The following SESN3 variants were observed in gnomAD, a reference collection of about 807,000 sequenced individuals.
SESN3 encodes sestrin-3.
Under a neutral mutation model 55.3 loss-of-function variants are expected in SESN3, and 21 were observed. That is an observed-to-expected ratio of 0.38 (90% CI 0.27 to 0.55). The LOEUF is 0.55. Among genes scored for constraint, SESN3 ranks in the 20% least tolerant of loss-of-function variants. SESN3 has a pLI of 0.76. For missense variants in SESN3, 408 were observed against 604.3 expected (o/e 0.68, Z 3.41); for synonymous variants, 181 against 203.1 (o/e 0.89, Z 0.93).
At chr11:95,186,762 G>T (rs1473909690) in intron 4 of SESN3, among the ~76,000 whole-genome samples, 4 of 151,636 alleles carry the variant, frequency 2.6e-5, no homozygotes, top group Admixed American at 1.3e-4. Flanking sequence ...TTTAAAAAGT[G>T]ATCTTAAGAC....
rs187808329 is a variant in SESN3, at chr11:95,192,898, G to A, written c.144+559C>T. Among the ~76,000 whole-genome samples the A allele has an allele frequency of 7.1e-4, 108 of 152,178 alleles. 1 individual carries two copies. The highest frequency in any genetic ancestry group is 2.4e-3 in the African/African-American group (98 of 41,562). On this transcript the variant is annotated intron_variant, in intron 2 of 9. Coordinates refer to ENST00000536441, the MANE Select transcript of SESN3 (RefSeq NM_144665.4). ...TTTTTGTTTTGCTTTCCCAGCATAA[G>A]TTTGTTCTAACTGGATGCTTAAGAT...
intron 9 of SESN3, among the ~76,000 whole-genome samples, chr11:95,173,742 A>T (rs1053604913): frequency 2.6e-5 from 4 of 151,744 alleles, no homozygotes; most frequent in African/African-American, 9.7e-5. Flanking sequence ...GCTTTAAAAA[A>T]TTTTTCCTAG....
chr11:95,190,108 C>A, intron 3 of SESN3, 147 bp from the exon 4 acceptor site: 1 of 600,014 alleles, frequency 1.7e-6, no homozygotes, highest in Non-Finnish European at 2.8e-6. Context: ...AAACATCCAT[C>A]ATAATGATGT....
chr11:95,180,952 T>C (rs1297976423), intron 6 of SESN3, among the ~76,000 whole-genome samples: 1 of 152,126 alleles, frequency 6.6e-6, no homozygotes, highest in Non-Finnish European at 1.5e-5. Flanking sequence ...TACATAATAA[T>C]ATAAATGAAG....
At position 95,167,330 on chromosome 11, in the gene SESN3, A is replaced by C. The variant is rs1859768137; in HGVS notation, c.*5925T>G. The C allele has an allele frequency of 2.0e-5, 3 of 152,180 alleles. No individual in the cohort carries two copies. In the South Asian group the frequency reaches 6.2e-4, roughly 32 times the overall value. 9.4% of individuals were successfully genotyped at this position (152,180 alleles called of 1,614,324 possible). ...ACATAACAAAAATTCTATTCATCTT[A>C]TTTAGACTTACTAATGTTTGATGTT... On this transcript the variant is annotated 3_prime_UTR_variant, in exon 10 of 10. Transcript: ENST00000536441.
At chr11:95,186,041 T>C (rs905021166) in intron 4 of SESN3, among the ~76,000 whole-genome samples, 10 of 152,038 alleles carry the variant, frequency 6.6e-5, no homozygotes, top group African/African-American at 2.4e-4. Context: ...TGTATTTCAC[T>C]TGACCCTCCA....
intron 1 of SESN3, among the ~76,000 whole-genome samples, chr11:95,208,539 T>C (rs1199162388): frequency 2.0e-5 from 3 of 151,482 alleles, no homozygotes; most frequent in African/African-American, 4.8e-5. Flanking sequence ...ATGGCTACCA[T>C]TGACTTTCTT....
intron 9 of SESN3, among the ~76,000 whole-genome samples, chr11:95,174,149 G>C (rs892587409): frequency 1.3e-5 from 2 of 152,100 alleles, no homozygotes; most frequent in African/African-American, 2.4e-5. Flanking sequence ...GTGGCTCTAA[G>C]ACTTCAAAAA....
upstream of SESN3, chr11:95,231,423 G>A (rs1861066889): frequency 6.1e-6 from 2 of 328,334 alleles, no homozygotes; most frequent in African/African-American, 4.3e-5. Flanking sequence ...CTGAAGGGAG[G>A]TGGCGGTTAG....
At chr11:95,219,422 A>C (rs1275937097) in intron 1 of SESN3, among the ~76,000 whole-genome samples, 1 of 152,186 alleles carries the variant, frequency 6.6e-6, no homozygotes, top group Non-Finnish European at 1.5e-5. Flanking sequence ...TAAATGTCTA[A>C]TTTTATATCA....
chr11:95,212,934 C>T (rs1406104096), intron 1 of SESN3, among the ~76,000 whole-genome samples: 1 of 152,150 alleles, frequency 6.6e-6, no homozygotes, highest in Non-Finnish European at 1.5e-5. Flanking sequence ...CTATCCATCA[C>T]TTAAATTATC....
intron 6 of SESN3, among the ~76,000 whole-genome samples, chr11:95,183,084 T>C (rs1215208012): frequency 6.6e-6 from 1 of 152,194 alleles, no homozygotes; most frequent in Non-Finnish European, 1.5e-5. Flanking sequence ...ATTTTTTTGC[T>C]ACTAGAATGA....
chr11:95,223,762 C>G (rs966799935), intron 1 of SESN3, among the ~76,000 whole-genome samples: 1 of 151,254 alleles, frequency 6.6e-6, no homozygotes, highest in Middle Eastern at 3.4e-3. Flanking sequence ...AACTCTGGCT[C>G]AGTAGTTCGT....
chr11:95,223,754 C>G (rs1227351505), intron 1 of SESN3, among the ~76,000 whole-genome samples: 3 of 151,228 alleles, frequency 2.0e-5, no homozygotes, highest in Non-Finnish European at 2.9e-5. Flanking sequence ...TCAGTAGTAA[C>G]TCTGGCTCAG....
chr11:95,180,419 G>A (rs1860038331), intron 6 of SESN3, among the ~76,000 whole-genome samples: 1 of 152,050 alleles, frequency 6.6e-6, no homozygotes, highest in Non-Finnish European at 1.5e-5. Flanking sequence ...TGGACTAACT[G>A]GGTGCTTGAT....
intron 1 of SESN3, among the ~76,000 whole-genome samples, chr11:95,202,364 G>A (rs950285555): frequency 6.6e-6 from 1 of 151,926 alleles, no homozygotes; most frequent in Non-Finnish European, 1.5e-5. Context: ...AATGTTCTCT[G>A]TATTCTTATT....
rs1861037676 is a variant in SESN3, at chr11:95,230,592, G to A, written c.78+191C>T. 3.6e-6 allele frequency: 2 copies of A among 550,038 alleles called. No homozygotes were observed. The highest frequency in any genetic ancestry group is 6.9e-5 in the East Asian group (2 of 29,180). The allele number at this position is 550,038 out of a possible 1,614,324, so 34.1% of individuals were successfully genotyped here. On this transcript the variant is annotated intron_variant, in intron 1 of 9. Transcript: ENST00000536441. This position sits in a 1 kb window ranked among gnomAD's most constrained non-coding sequence, Gnocchi z 4.6. ...CCCCTCCAGACTTGGGTCTGTCCCG[G>A]CGGAAATAAAAAGCCGCAGTAGTCC...
chr11:95,182,896 CCCTCAGTCATTACCTGACTT>C, intron 6 of SESN3, among the ~76,000 whole-genome samples: 1 of 152,144 alleles, frequency 6.6e-6, no homozygotes, highest in South Asian at 2.1e-4. Flanking sequence ...CCTCCTGTGC[CCCTCAGTCATTACCTGACTT>C]CCTCACACTC....
chr11:95,193,899 C>T (rs539057101), intron 1 of SESN3, among the ~76,000 whole-genome samples: 3 of 152,154 alleles, frequency 2.0e-5, no homozygotes, highest in South Asian at 4.1e-4. Context: ...AGGTTAAATT[C>T]GAAGAAGATT....
Sources: gnomAD v4.1 joint callset for allele counts (sites outside exome capture counted in the v4.1 genomes callset) on GRCh38, gnomAD v4.1.1 for gene constraint, Gnocchi (gnomAD v3.1) non-coding constraint, MANE v1.5 for transcripts, NCBI Gene and HGNC (gene_info 2026-07-23, HGNC 2026-07-21) for gene names.